The following REM1 variants were observed in gnomAD, a reference collection of about 807,000 sequenced individuals.
REM1 encodes the protein RRAD and GEM like GTPase 1, also known as GTP-binding protein REM 1.
In REM1, 20 loss-of-function variants were observed where a neutral mutation model predicts 27.0. That is an observed-to-expected ratio of 0.74 (90% CI 0.52 to 1.08). The LOEUF (loss-of-function observed/expected upper bound fraction) is 1.08. Ranked by LOEUF, REM1 falls within the 50% of genes least tolerant of loss-of-function variation. REM1 has a pLI of 0.00. For synonymous variants in REM1, 159 were observed against 167.9 expected, an observed-to-expected ratio of 0.95 and a Z score of 0.41; for missense variants, 405 against 407.0, an observed-to-expected ratio of 1.00 and a Z score of 0.04.
At chr20:31,484,038 C>T (rs1159900342) in intron 4 of REM1, 121 bp from the exon 5 acceptor site, 3 of 1,113,494 alleles carry the variant, frequency 2.7e-6, no homozygotes, top group Non-Finnish European at 3.7e-6. Flanking sequence ...CCCCAGACAG[C>T]AGCACCAGGC....
intron 3 of REM1, among the ~76,000 whole-genome samples, chr20:31,478,207 T>C (rs1328836754): frequency 7.3e-6 from 1 of 137,500 alleles, no homozygotes; most frequent in Non-Finnish European, 1.6e-5. Context: ...CCACCCACAT[T>C]GTACAGAAGG....
Position 31,475,532 on chromosome 20 carries a change from A to G in REM1, c.-220+166A>G, listed in dbSNP as rs1270924838. ...GACCCGGAGGGCTGGATAGCCCTGGACAAAGACCCCTCCAACCCCAGGATG... is the reference window on the plus strand; with the variant it reads ...GACCCGGAGGGCTGGATAGCCCTGGGCAAAGACCCCTCCAACCCCAGGATG... On this transcript the variant is annotated intron_variant, in intron 1 of 4. Coordinates refer to ENST00000201979, the MANE Select transcript of REM1 (RefSeq NM_014012.6). This position sits in a 1 kb window ranked among gnomAD's most constrained non-coding sequence, Gnocchi z 5.0. Among the ~76,000 whole-genome samples, 1 of 152,210 alleles carries G rather than the reference A, an allele frequency of 6.6e-6. No homozygotes were observed. The highest frequency in any genetic ancestry group is 1.5e-5 in the Non-Finnish European group (1 of 68,022).
Position 31,484,669 on chromosome 20 carries a change from G to T in REM1, c.*239G>T, listed in dbSNP as rs908610327. 6 of 504,858 alleles carry T rather than the reference G, an allele frequency of 1.2e-5. No individual in the cohort carries two copies. The African/African-American group carries it at 1.2e-4, about 10-fold the overall frequency. 31.3% of individuals were successfully genotyped at this position (504,858 alleles called of 1,614,324 possible). ...GCACAAAGTAGTTTTTTACGTGGTG[G>T]GTGTCTTTTTGTAAAAAAATCTTCC... On this transcript the variant is annotated 3_prime_UTR_variant, in exon 5 of 5. Transcript: ENST00000201979.
chr20:31,484,616 A>C lies in REM1; in HGVS notation c.*186A>C. ...GATCCCGGGAAAGCGATGGACAGAC[A>C]GACGATGGGGCCGAAGCCCCAAGCT... On this transcript the variant is annotated 3_prime_UTR_variant, in exon 5 of 5. Transcript: ENST00000201979. 1.4e-6 allele frequency: 1 copy of C among 737,272 alleles called. No homozygotes were observed. 45.7% of individuals were successfully genotyped at this position (737,272 alleles called of 1,614,324 possible).
chr20:31,482,287 G>A lies in REM1; in HGVS notation c.424G>A (p.Asp142Asn), dbSNP rs1980757273. ...VVDTWEAEKL[D>N]KSWSQESCLQ... ...TGGGTCTTGGGTCCCTCTCCTGCAG[G>A]ATAAAAGCTGGAGCCAGGAGTCATG... The change falls in exon 4 of 5, where the codon GAT (aspartate) becomes AAT (asparagine). Residue 142 changes from aspartate (D) to asparagine (N), a missense_variant and splice_region_variant. Asp to Asn is a conservative substitution (Grantham distance 23). Transcript: ENST00000201979. 1.2e-6 allele frequency: 2 copies of A among 1,614,028 alleles called. No individual in the cohort carries two copies. Among genetic ancestry groups the A allele is most frequent in the Non-Finnish European group, 1.7e-6 (2 of 1,179,982 alleles).
chr20:31,484,142 G>T lies in REM1; in HGVS notation c.626-17G>T. ...CGTTATGGCTCCACCCCTCCTCGCC[G>T]GGCCCCGCCCCCTTAGAGGGCCGCG... On this transcript the variant is annotated splice_polypyrimidine_tract_variant and intron_variant, in intron 4 of 4. Transcript: ENST00000201979. 2 of 1,553,316 alleles carry T rather than the reference G, an allele frequency of 1.3e-6. No individual in the cohort carries two copies. The highest frequency in any genetic ancestry group is 1.7e-6 in the Non-Finnish European group (2 of 1,147,698).
At chr20:31,479,701 A>G (rs969481048) in intron 3 of REM1, among the ~76,000 whole-genome samples, 10 of 152,192 alleles carry the variant, frequency 6.6e-5, no homozygotes, top group Non-Finnish European at 1.5e-4. Context: ...TGGTACTCTG[A>G]TATCAGAGAG....
At chr20:31,479,721 G>A (rs1184545190) in intron 3 of REM1, among the ~76,000 whole-genome samples, 8 of 152,186 alleles carry the variant, frequency 5.3e-5, no homozygotes, top group African/African-American at 1.7e-4. Flanking sequence ...GGCTGAATCT[G>A]ACAGAATTGG....
chr20:31,477,553 G>A (rs991337200), intron 2 of REM1, among the ~76,000 whole-genome samples: 1 of 152,178 alleles, frequency 6.6e-6, no homozygotes. Context: ...ATCAGAGACA[G>A]AGCAGGCCTG....
intron 4 of REM1, among the ~76,000 whole-genome samples, chr20:31,482,901 G>A (rs6059545): frequency 6.6e-6 from 1 of 152,180 alleles, no homozygotes; most frequent in African/African-American, 2.4e-5. Context: ...GGGAGGCCAA[G>A]GTGGGAGGAC....
chr20:31,476,669 G>A lies in REM1; in HGVS notation c.224G>A (p.Gly75Asp), dbSNP rs1980517763. Residue 75 changes from glycine (G) to aspartate (D), a missense_variant, in exon 2 of 5, where the codon GGC (glycine) becomes GAC (aspartate). By Grantham distance (94) the Gly-to-Asp change is moderately conservative. Coordinates refer to ENST00000201979, the MANE Select transcript of REM1 (RefSeq NM_014012.6). ...TCTTCTGAATCCAGCGACTCTGAAG[G>A]CTCCTGGGAGGCTCTCTACCGTGTG... is the stretch of plus-strand genomic sequence containing the variant. ...DWSSESSDSE[G>D]SWEALYRVVL... 6.2e-7 allele frequency: 1 copy of A among 1,614,166 alleles called. No individual in the cohort carries two copies. Among genetic ancestry groups the A allele is most frequent in the South Asian group, 1.1e-5 (1 of 91,074 alleles).
rs201389128 is a variant in REM1 at position 31,476,429 on chromosome 20, AC to A, written c.-9del. ...TCAGAAGGAAAGAAGGAAGAAGCAA[AC>A]CCCCCCCTACCAAAGATGACACTCA... On this transcript the variant is annotated 5_prime_UTR_variant, in exon 2 of 5. Transcript: ENST00000201979. The A allele has an allele frequency of 3.9e-4, 591 of 1,498,852 alleles. No individual in the cohort carries two copies. The highest frequency in any genetic ancestry group is 4.6e-4 in the Admixed American group (21 of 45,834). The allele number at this position is 1,498,852 out of a possible 1,614,324, so 92.8% of individuals were successfully genotyped here.
At chr20:31,483,732 G>A (rs1342087059) in intron 4 of REM1, among the ~76,000 whole-genome samples, 1 of 149,924 alleles carries the variant, frequency 6.7e-6, no homozygotes, top group Non-Finnish European at 1.5e-5. Context: ...GGGCTCAGTG[G>A]CTCCTGGAGG....
At position 31,476,658 on chromosome 20, in the gene REM1, C is replaced by T. The variant is rs759705636; in HGVS notation, c.213C>T (p.Ser71=). 1.9e-6 allele frequency: 3 copies of T among 1,614,118 alleles called. No individual in the cohort carries two copies. Among genetic ancestry groups the T allele is most frequent in the African/African-American group, 1.3e-5 (1 of 75,028 alleles). Residue 71 remains serine, a synonymous_variant, in exon 2 of 5, where the codon AGC becomes AGT. Coordinates refer to ENST00000201979, the MANE Select transcript of REM1 (RefSeq NM_014012.6). The part of the protein sequence containing the change: ...PAPDDWSSES[S]DSEGSWEALY... ...CAGATGATTGGTCTTCTGAATCCAG[C>T]GACTCTGAAGGCTCCTGGGAGGCTC... is the stretch of plus-strand genomic sequence containing the variant.
chr20:31,484,202 G>A lies in REM1; in HGVS notation c.669G>A (p.Glu223=). ...TGGTGTTCGACTGTAAATTCATCGAGACATCCGCCACGCTGCAGCACAATG... is the reference window on the plus strand; with the variant it reads ...TGGTGTTCGACTGTAAATTCATCGAAACATCCGCCACGCTGCAGCACAATG... The part of the protein sequence containing the change: ...CAVVFDCKFI[E]TSATLQHNVA... Residue 223 remains glutamate, a synonymous_variant, in exon 5 of 5, where the codon GAG becomes GAA. Transcript: ENST00000201979. 3 of 1,607,490 alleles carry A rather than the reference G, an allele frequency of 1.9e-6. No individual in the cohort carries two copies. The highest frequency in any genetic ancestry group is 2.5e-6 in the Non-Finnish European group (3 of 1,177,058).
At position 31,484,067 on chromosome 20, in the gene REM1, G is replaced by A. The variant is rs538725401; in HGVS notation, c.626-92G>A. On this transcript the variant is annotated intron_variant, in intron 4 of 4. Coordinates refer to ENST00000201979, the MANE Select transcript of REM1 (RefSeq NM_014012.6). ...ACCAGGCATGAGCACAGGAAAAATT[G>A]CTTCCAATCGAGACTAAACACATCT... 10 of 1,371,918 alleles carry A rather than the reference G, an allele frequency of 7.3e-6. No individual in the cohort carries two copies. In the South Asian group the frequency reaches 1.1e-4, roughly 15 times the overall value. The allele number at this position is 1,371,918 out of a possible 1,614,324, so 85.0% of individuals were successfully genotyped here. A position where few individuals can be genotyped will look rare whatever the true frequency, so the allele number is the denominator to read the frequency against.
At chr20:31,478,012 G>A (rs2233831) in intron 3 of REM1, 102 bp downstream of exon 3, 21,201 of 731,094 alleles carry the variant, frequency 0.029, 420 homozygotes, top group Non-Finnish European at 0.037. Flanking sequence ...TGTGAGCAAC[G>A]GCCATCCTCA....
intron 3 of REM1, among the ~76,000 whole-genome samples, chr20:31,481,189 C>A (rs1394011318): frequency 6.6e-6 from 1 of 152,154 alleles, no homozygotes; most frequent in African/African-American, 2.4e-5. Flanking sequence ...AGGAGAATCA[C>A]TTGAACCTGG....
At chr20:31,483,331 T>C (rs955517182) in intron 4 of REM1, among the ~76,000 whole-genome samples, 7 of 152,182 alleles carry the variant, frequency 4.6e-5, no homozygotes, top group African/African-American at 7.2e-5. Context: ...ATGGCTCCCC[T>C]AGCCCCTTAA....
Sources: gnomAD v4.1 joint callset for allele counts (sites outside exome capture counted in the v4.1 genomes callset) on GRCh38, gnomAD v4.1.1 for gene constraint, Gnocchi (gnomAD v3.1) non-coding constraint, MANE v1.5 for transcripts, NCBI Gene and HGNC (gene_info 2026-07-23, HGNC 2026-07-21) for gene names.